NR3C2: variants seen among roughly 807,000 people sequenced by gnomAD.
The protein encoded by NR3C2 is mineralocorticoid receptor.
NR3C2 carries 15 observed loss-of-function variants against 86.4 expected under a neutral mutation model. The ratio of observed to expected loss-of-function variants is 0.17; its 90% confidence interval spans 0.12 to 0.27. The LOEUF (loss-of-function observed/expected upper bound fraction) is 0.27, where lower values mean the gene tolerates loss of function less well. NR3C2 is among the 10% of genes least tolerant of loss of function. The probability of loss-of-function intolerance (pLI) is 1.00; values close to 1 mark genes in which losing one functional copy is unlikely to be tolerated. For missense variants in NR3C2, 960 were observed against 1,195.6 expected, an observed-to-expected ratio of 0.80 and a Z score of 2.91; for synonymous variants, 458 against 450.5, an observed-to-expected ratio of 1.02 and a Z score of -0.21.
chr4:148,318,243 T>A (rs540303022), intron 2 of NR3C2, among the ~76,000 whole-genome samples: 1 of 151,074 alleles, frequency 6.6e-6, no homozygotes, highest in Admixed American at 6.6e-5. Flanking sequence ...CCATGGTGTA[T>A]ATGTGCCACA....
chr4:148,410,062 C>T (rs1030775042), intron 2 of NR3C2, among the ~76,000 whole-genome samples: 9 of 151,830 alleles, frequency 5.9e-5, no homozygotes, highest in African/African-American at 2.2e-4. Context: ...CTATTAAGTA[C>T]GTCACATAAA....
At chr4:148,398,825 C>T (rs924475464) in intron 2 of NR3C2, among the ~76,000 whole-genome samples, 1 of 152,164 alleles carries the variant, frequency 6.6e-6, no homozygotes, top group African/African-American at 2.4e-5. Context: ...AAAAGAAGTA[C>T]CCTGGGTAGT....
intron 8 of NR3C2, among the ~76,000 whole-genome samples, chr4:148,084,601 G>A (rs569372333): frequency 1.3e-5 from 2 of 152,296 alleles, no homozygotes; most frequent in East Asian, 3.9e-4. Context: ...TGAAGAAACT[G>A]CATCAACTAA....
chr4:148,393,177 T>C (rs535791005), intron 2 of NR3C2, among the ~76,000 whole-genome samples: 2 of 152,122 alleles, frequency 1.3e-5, no homozygotes, highest in Admixed American at 6.5e-5. Context: ...CACAGAGAAA[T>C]TGGGAAGGGA....
intron 2 of NR3C2, among the ~76,000 whole-genome samples, chr4:148,294,049 T>C (rs1741922785): frequency 6.6e-6 from 1 of 152,200 alleles, no homozygotes; most frequent in Non-Finnish European, 1.5e-5. Flanking sequence ...GGTATCCTCC[T>C]AGGTACCTGC....
intron 4 of NR3C2, among the ~76,000 whole-genome samples, chr4:148,191,788 C>A (rs1278144621): frequency 6.6e-6 from 1 of 152,132 alleles, no homozygotes; most frequent in African/African-American, 2.4e-5. Flanking sequence ...TTAGACTTTC[C>A]AGAGCATTTC....
intron 6 of NR3C2, among the ~76,000 whole-genome samples, chr4:148,133,671 G>C (rs76947378): frequency 0.033 from 4,984 of 152,306 alleles, 293 homozygotes; most frequent in African/African-American, 0.11. Flanking sequence ...TAAAGCAAAA[G>C]TCGCATTACT....
chr4:148,303,408 T>A (rs972537047), intron 2 of NR3C2, among the ~76,000 whole-genome samples: 1 of 152,054 alleles, frequency 6.6e-6, no homozygotes, highest in Admixed American at 6.5e-5. Context: ...GTGCCTATCA[T>A]CCAGAGGTTT....
intron 2 of NR3C2, among the ~76,000 whole-genome samples, chr4:148,321,901 G>GTGAAT (rs1299971075): frequency 6.6e-6 from 1 of 152,114 alleles, no homozygotes; most frequent in Non-Finnish European, 1.5e-5. Flanking sequence ...ATTGTTATGT[G>GTGAAT]TGAATTTGAT....
At chr4:148,280,058 C>G (rs752339596) in intron 2 of NR3C2, among the ~76,000 whole-genome samples, 2 of 152,058 alleles carry the variant, frequency 1.3e-5, no homozygotes, top group Non-Finnish European at 2.9e-5. Flanking sequence ...TTAAAACTGA[C>G]AAAAATATCT....
At chr4:148,145,013 G>A (rs142122490) in intron 6 of NR3C2, among the ~76,000 whole-genome samples, 44 of 152,250 alleles carry the variant, frequency 2.9e-4, no homozygotes, top group African/African-American at 1.0e-3. Flanking sequence ...AATGTCAGGC[G>A]ACCCTCAGGT....
intron 3 of NR3C2, among the ~76,000 whole-genome samples, chr4:148,234,680 CT>C (rs1738650617): frequency 1.0e-5 from 1 of 95,586 alleles, no homozygotes; most frequent in African/African-American, 4.3e-5. Context: ...GAGACTCCAA[CT>C]AAAAAAAAAA....
intron 8 of NR3C2, among the ~76,000 whole-genome samples, chr4:148,087,759 C>T (rs565274648): frequency 6.6e-6 from 1 of 152,062 alleles, no homozygotes; most frequent in Admixed American, 6.6e-5. Context: ...ACCATAACAA[C>T]CCCTAGAAGA....
intron 3 of NR3C2, among the ~76,000 whole-genome samples, chr4:148,212,039 C>A (rs1737309531): frequency 6.6e-6 from 1 of 152,142 alleles, no homozygotes; most frequent in Non-Finnish European, 1.5e-5. Context: ...CCTTCCCTAA[C>A]CCTGGTCAGA....
At chr4:148,292,464 A>ATATATATTAAATAT (rs1295215241) in intron 2 of NR3C2, among the ~76,000 whole-genome samples, 47 of 152,196 alleles carry the variant, frequency 3.1e-4, no homozygotes, top group Non-Finnish European at 5.1e-4. Context: ...GATATATAAC[A>ATATATATTAAATAT]CATATTAAAA....
chr4:148,193,303 G>T (rs990748884), intron 4 of NR3C2, among the ~76,000 whole-genome samples: 6 of 152,176 alleles, frequency 3.9e-5, no homozygotes, highest in Non-Finnish European at 8.8e-5. Flanking sequence ...TCCCACTTCT[G>T]CAGTTGGGGC....
At chr4:148,214,686 C>A (rs776739464) in intron 3 of NR3C2, among the ~76,000 whole-genome samples, 2 of 152,134 alleles carry the variant, frequency 1.3e-5, no homozygotes, top group Non-Finnish European at 2.9e-5. Context: ...GGAGCCTGCA[C>A]GCCCTGGCTC....
intron 2 of NR3C2, among the ~76,000 whole-genome samples, chr4:148,367,793 T>TAA (rs1333511518): frequency 3.0e-5 from 4 of 131,514 alleles, no homozygotes; most frequent in African/African-American, 1.1e-4. Flanking sequence ...AAATCCAATT[T>TAA]AAAAAAAAAA....
intron 4 of NR3C2, among the ~76,000 whole-genome samples, chr4:148,176,646 G>T (rs569658188): frequency 1.3e-5 from 2 of 152,172 alleles, no homozygotes; most frequent in Admixed American, 6.5e-5. Context: ...TAAATTTCCA[G>T]TGCTTATCAG....
Sources: allele counts gnomAD v4.1 joint callset (sites outside exome capture counted in the v4.1 genomes callset), GRCh38; gene constraint gnomAD v4.1.1; transcripts MANE v1.5; gene names NCBI Gene and HGNC (gene_info 2026-07-23, HGNC 2026-07-21).